SART3: variants seen among roughly 807,000 people sequenced by gnomAD.
SART3 encodes the protein HIV-1 Tat-interacting protein of 110kDa.
Under a neutral mutation model 122.3 loss-of-function variants are expected in SART3, and 44 were observed. The ratio of observed to expected loss-of-function variants is 0.36; its 90% confidence interval spans 0.28 to 0.46. SART3 has a LOEUF of 0.46. Ranked by LOEUF, SART3 falls within the 20% of genes least tolerant of loss-of-function variation. The pLI is 1.00. For missense variants in SART3, 1,101 were observed against 1,229.0 expected (o/e 0.90, Z 1.56); for synonymous variants, 442 against 454.0 (o/e 0.97, Z 0.34).
intron 6 of SART3, 68 bp from the exon 7 acceptor site, chr12:108,539,157 TAA>T: frequency 6.3e-7 from 1 of 1,578,560 alleles, no homozygotes; most frequent in Non-Finnish European, 8.6e-7. Flanking sequence ...GCAAATAAAA[TAA>T]ATTTTGGCAA....
chr12:108,530,964 G>A (rs1009209528), intron 14 of SART3, among the ~76,000 whole-genome samples: 16 of 151,956 alleles, frequency 1.1e-4, no homozygotes, highest in Non-Finnish European at 2.1e-4. Context: ...ATCAATTCTC[G>A]TAAATTTTAG....
rs1425379983 is a variant in SART3, at chr12:108,526,272, C to T, written c.2197G>A (p.Val733Ile). The T allele has an allele frequency of 6.2e-7, 1 of 1,614,214 alleles. No homozygotes were observed. Among genetic ancestry groups the T allele is most frequent in the South Asian group, 1.1e-5 (1 of 91,086 alleles). Reference protein sequence around the residue: ...RPLFEACGEVVQIRPIFSNRG... With the variant: ...RPLFEACGEVIQIRPIFSNRG... Reference sequence around the variant, plus strand: ...TTGCTGAAGATGGGTCGGATCTGGACCACCTCCCCACAGGCCTCGAAGAGT... The same window carrying T: ...TTGCTGAAGATGGGTCGGATCTGGATCACCTCCCCACAGGCCTCGAAGAGT... The change falls in exon 16 of 19, where the codon GTC becomes ATC. Residue 733 changes from valine to isoleucine, a missense_variant. This residue lies in a region of SART3 where 885 missense variants were observed against 1,080.1 expected (regional missense o/e 0.82). Transcript: ENST00000546815.
At chr12:108,534,661 T>C (rs1300693002) in intron 12 of SART3, among the ~76,000 whole-genome samples, 2 of 151,936 alleles carry the variant, frequency 1.3e-5, no homozygotes, top group East Asian at 3.9e-4. Flanking sequence ...GGCAACAGAG[T>C]GAGACTCCCC....
chr12:108,560,660 T>C (rs1159330894), intron 1 of SART3, 183 bp downstream of exon 1: 1 of 557,992 alleles, frequency 1.8e-6, no homozygotes, highest in Non-Finnish European at 3.1e-6. Context: ...TTCAATGAGA[T>C]AACGTTTGCA....
intron 5 of SART3, among the ~76,000 whole-genome samples, chr12:108,543,591 C>CTAATCATT (rs1378596632): frequency 6.6e-6 from 1 of 152,224 alleles, no homozygotes; most frequent in Non-Finnish European, 1.5e-5. Flanking sequence ...AGTTCGCACT[C>CTAATCATT]TAATCATTAT....
chr12:108,530,964 G>T (rs1009209528), intron 14 of SART3, among the ~76,000 whole-genome samples: 1 of 151,956 alleles, frequency 6.6e-6, no homozygotes, highest in Non-Finnish European at 1.5e-5. Flanking sequence ...ATCAATTCTC[G>T]TAAATTTTAG....
chr12:108,540,958 A>C (rs1873131941), intron 6 of SART3, among the ~76,000 whole-genome samples: 1 of 152,236 alleles, frequency 6.6e-6, no homozygotes, highest in South Asian at 2.1e-4. Flanking sequence ...TGAGGGCCTA[A>C]ATATGAAACA....
In SART3 at chr12:108,530,228, G is replaced by A. The variant is rs202055950; in HGVS notation, c.1829C>T (p.Ala610Val). ...QRKRARAEKK[A>V]LKKKKKIRGP... ...TCTGATCTTTTTCTTCTTTTTTAAC[G>A]CTTTCTTCTCAGCCCGAGCTCTTTT... The change falls in exon 15 of 19, where the codon GCG becomes GTG. Residue 610 changes from alanine to valine, a missense_variant. Around this residue, in one of 2 missense-constraint regions of SART3, gnomAD observed 885 missense variants for 1,080.1 expected, o/e 0.82. Coordinates refer to ENST00000546815, the MANE Select transcript of SART3 (RefSeq NM_014706.4). The A allele has an allele frequency of 5.6e-6, 9 of 1,613,928 alleles. No individual in the cohort carries two copies. The South Asian group carries it at 6.6e-5, about 12-fold the overall frequency.
At chr12:108,530,400 T>A in intron 14 of SART3, 90 bp from the exon 15 acceptor site, 1 of 1,413,874 alleles carries the variant, frequency 7.1e-7, no homozygotes, top group East Asian at 2.3e-5. Context: ...GAGTGGAAAT[T>A]CATTACTAAT....
intron 9 of SART3, chr12:108,537,268 G>A (rs1333955319): frequency 3.8e-6 from 2 of 532,510 alleles, no homozygotes; most frequent in Middle Eastern, 5.2e-4. Flanking sequence ...AGACTAAAAA[G>A]GCTGGCAGGA....
chr12:108,541,240 C>A, intron 6 of SART3, among the ~76,000 whole-genome samples: 1 of 151,898 alleles, frequency 6.6e-6, no homozygotes, highest in East Asian at 1.9e-4. Context: ...AACCCCGTCT[C>A]TACTAAAAAT....
intron 5 of SART3, 77 bp from the exon 6 acceptor site, chr12:108,543,229 C>T: frequency 6.4e-7 from 1 of 1,562,504 alleles, no homozygotes. Context: ...AGCCATGAGA[C>T]TCAGGTGCCA....
At chr12:108,552,907 T>TGTAC in intron 1 of SART3, among the ~76,000 whole-genome samples, 2 of 152,148 alleles carry the variant, frequency 1.3e-5, no homozygotes, top group East Asian at 3.9e-4. Flanking sequence ...AAGAATAAAG[T>TGTAC]GGGAGTAATC....
In SART3 at chr12:108,537,592, G is replaced by T. The variant is rs1322195555; in HGVS notation, c.1205C>A (p.Thr402Asn). The T allele has an allele frequency of 6.2e-7, 1 of 1,613,488 alleles. No homozygotes were observed. Among genetic ancestry groups the T allele is most frequent in the African/African-American group, 1.3e-5 (1 of 74,902 alleles). The stretch of plus-strand genomic sequence containing the variant: ...GCCGGCATTCAAAGCTTTCTCGAAG[G>T]TTACTGGAGTTGGAGAAAAGTCAGG... ...HGVDHQVISV[T>N]FEKALNAGFI... Residue 402 changes from threonine (T) to asparagine (N), a missense_variant, in exon 9 of 19, where the codon ACC becomes AAC. By Grantham distance (65) the Thr-to-Asn change is moderately conservative. Around this residue, in one of 2 missense-constraint regions of SART3, gnomAD observed 885 missense variants for 1,080.1 expected, o/e 0.82. Coordinates refer to ENST00000546815, the MANE Select transcript of SART3 (RefSeq NM_014706.4).
At chr12:108,537,275 A>C in intron 9 of SART3, 1 of 543,144 alleles carries the variant, frequency 1.8e-6, no homozygotes, top group South Asian at 2.0e-5. Flanking sequence ...AAAGGCTGGC[A>C]GGAGCCAGTA....
In SART3 at chr12:108,526,173, C is replaced by T. The variant is rs750197100; in HGVS notation, c.2296G>A (p.Asp766Asn). Residue 766 changes from aspartate to asparagine, a missense_variant, in exon 16 of 19, where the codon GAC becomes AAC. Asp to Asn is a conservative substitution (Grantham distance 23). This residue lies in a region of SART3 where 885 missense variants were observed against 1,080.1 expected (regional missense o/e 0.82). Coordinates refer to ENST00000546815, the MANE Select transcript of SART3 (RefSeq NM_014706.4). ...EKSALQALEMDRKSVEGRPMF... is the reference protein window; with the variant it reads ...EKSALQALEMNRKSVEGRPMF... ...GGCCTCCCTTCTACACTTTTCCGGT[C>T]CATCTCCAGTGCCTGAAGGGCTGAT... is the stretch of plus-strand genomic sequence containing the variant. 1 of 1,614,234 alleles carries T rather than the reference C, an allele frequency of 6.2e-7. No homozygotes were observed.
At chr12:108,560,674 C>T in intron 1 of SART3, 169 bp downstream of exon 1, 1 of 578,406 alleles carries the variant, frequency 1.7e-6, no homozygotes, top group Admixed American at 3.4e-5. Flanking sequence ...GTTTGCAAGG[C>T]AATGGGCAGG....
intron 11 of SART3, 118 bp from the exon 12 acceptor site, chr12:108,535,586 T>C (rs1593238287): frequency 1.2e-6 from 1 of 860,318 alleles, no homozygotes; most frequent in South Asian, 1.3e-5. Flanking sequence ...GTGTTACAGA[T>C]GTCCCTGGGC....
chr12:108,530,004 G>C (rs1040211395), intron 15 of SART3, 138 bp downstream of exon 15: 7 of 1,022,418 alleles, frequency 6.8e-6, no homozygotes, highest in African/African-American at 1.6e-5. Context: ...TTGTTTGCAA[G>C]ACATACACCC....
Sources: allele counts gnomAD v4.1 joint callset (sites outside exome capture counted in the v4.1 genomes callset), GRCh38; gene constraint gnomAD v4.1.1; regional missense constraint gnomAD v4.1.1; transcripts MANE v1.5; gene names NCBI Gene and HGNC (gene_info 2026-07-23, HGNC 2026-07-21).